LRRN2: variants seen among roughly 807,000 people sequenced by gnomAD.
LRRN2 encodes the protein leucine-rich repeat neuronal protein 2.
In LRRN2, 10 loss-of-function variants were observed where a neutral mutation model predicts 35.7. The ratio of observed to expected loss-of-function variants is 0.28; its 90% CI spans 0.17 to 0.47. The LOEUF (loss-of-function observed/expected upper bound fraction) is 0.47. LRRN2 is among the 20% of genes least tolerant of loss of function. The probability of loss-of-function intolerance (pLI) is 0.99; values close to 1 mark genes in which losing one functional copy is unlikely to be tolerated. For missense variants in LRRN2, 731 were observed against 940.3 expected, an observed-to-expected ratio of 0.78 and a Z score of 2.91; for synonymous variants, 391 against 409.6, an observed-to-expected ratio of 0.95 and a Z score of 0.55.
chr1:204,684,750 C>T (rs1371245340), intron 1 of LRRN2, among the ~76,000 whole-genome samples: 1 of 152,118 alleles, frequency 6.6e-6, no homozygotes, highest in Non-Finnish European at 1.5e-5. Flanking sequence ...TGCGGTCGGA[C>T]CCCAGCCAGC....
chr1:204,619,232 C>T lies in LRRN2; in HGVS notation c.761G>A (p.Arg254Lys). 1 of 1,614,104 alleles carries T rather than the reference C, an allele frequency of 6.2e-7. No individual in the cohort carries two copies. The highest frequency in any genetic ancestry group is 8.5e-7 in the Non-Finnish European group (1 of 1,180,036). The change falls in exon 2 of 2, where the codon AGG becomes AAG. Residue 254 changes from arginine to lysine, a missense_variant. Physicochemically the swap from Arg to Lys is conservative, Grantham distance 26. Transcript: ENST00000367177. ...CCCGGGCACCTGTTCCAGTGCCCGC[C>T]TGGGCACCCGGGCCAGCTGGTTGTC... ...FYDNQLARVPRRALEQVPGLK... is the reference protein window; with the variant it reads ...FYDNQLARVPKRALEQVPGLK...
chr1:204,635,404 A>G (rs972314212), intron 1 of LRRN2, among the ~76,000 whole-genome samples: 1 of 152,062 alleles, frequency 6.6e-6, no homozygotes, highest in African/African-American at 2.4e-5. Context: ...GCCCAGTACA[A>G]TTGAGAGGGT....
chr1:204,658,693 C>G (rs1237795269), intron 1 of LRRN2, among the ~76,000 whole-genome samples: 1 of 152,230 alleles, frequency 6.6e-6, no homozygotes, highest in Non-Finnish European at 1.5e-5. Context: ...TAGCAGGAAT[C>G]TGCCCATTTC....
intron 1 of LRRN2, among the ~76,000 whole-genome samples, chr1:204,627,629 C>T (rs1571634253): frequency 6.6e-6 from 1 of 152,336 alleles, no homozygotes; most frequent in Non-Finnish European, 1.5e-5. Flanking sequence ...TTGCTGTCTG[C>T]GTGCACTGCA....
chr1:204,660,577 ACACTCTCT>A lies in LRRN2; in HGVS notation c.-227+24735_-227+24742del, dbSNP rs1456707060. 3.7e-3 allele frequency among the ~76,000 whole-genome samples: 545 copies of A among 147,340 alleles called. 1 individual carries two copies. Among genetic ancestry groups the A allele is most frequent in the African/African-American group, 9.5e-3 (376 of 39,708 alleles). On this transcript the variant is annotated intron_variant, in intron 1 of 1. Transcript: ENST00000367177. The stretch of plus-strand genomic sequence containing the variant: ...GACACACACACACACACACACACAC[ACACTCTCT>A]CTCTCTCTCTCTCTCTCACTTCGTC...
intron 1 of LRRN2, among the ~76,000 whole-genome samples, chr1:204,648,460 C>T (rs1571659743): frequency 6.6e-6 from 1 of 152,156 alleles, no homozygotes; most frequent in Non-Finnish European, 1.5e-5. Context: ...CTGCTTCCCC[C>T]GCAGCACCTC....
intron 1 of LRRN2, among the ~76,000 whole-genome samples, chr1:204,673,058 G>A (rs1334749497): frequency 1.3e-5 from 2 of 151,988 alleles, no homozygotes; most frequent in African/African-American, 4.8e-5. Flanking sequence ...CTAGCCTTCC[G>A]AAGGGCCCTC....
intron 1 of LRRN2, among the ~76,000 whole-genome samples, chr1:204,632,164 T>C (rs545139526): frequency 3.6e-4 from 54 of 151,760 alleles, no homozygotes; most frequent in African/African-American, 1.3e-3. Context: ...AGCCCAGGAG[T>C]TCAAGCCTGC....
intron 1 of LRRN2, among the ~76,000 whole-genome samples, chr1:204,631,797 A>C (rs1323131320): frequency 6.6e-6 from 1 of 152,100 alleles, no homozygotes; most frequent in Non-Finnish European, 1.5e-5. Context: ...ATATGAAGTG[A>C]GTTCCAAGCA....
At chr1:204,675,151 C>T (rs910029743) in intron 1 of LRRN2, among the ~76,000 whole-genome samples, 3 of 152,110 alleles carry the variant, frequency 2.0e-5, no homozygotes, top group Non-Finnish European at 2.9e-5. Context: ...ATTTCAGACA[C>T]GCTGTATTTC....
chr1:204,656,780 T>C (rs1406015383), intron 1 of LRRN2, among the ~76,000 whole-genome samples: 1 of 152,232 alleles, frequency 6.6e-6, no homozygotes, highest in East Asian at 1.9e-4. Context: ...TCCTGGCTTG[T>C]GGAATCTTCA....
intron 1 of LRRN2, among the ~76,000 whole-genome samples, chr1:204,675,491 C>T (rs1198169362): frequency 2.6e-5 from 4 of 152,190 alleles, no homozygotes; most frequent in Admixed American, 2.6e-4. Flanking sequence ...AGAGGCTGCC[C>T]ACAGGCCCTG....
chr1:204,662,601 T>G (rs1238186096), intron 1 of LRRN2, among the ~76,000 whole-genome samples: 2 of 152,242 alleles, frequency 1.3e-5, no homozygotes, highest in East Asian at 3.8e-4. Flanking sequence ...AAATGCTTTC[T>G]CACAAATGAT....
intron 1 of LRRN2, among the ~76,000 whole-genome samples, chr1:204,642,858 G>A (rs533844798): frequency 1.6e-4 from 25 of 152,278 alleles, no homozygotes; most frequent in African/African-American, 5.3e-4. Context: ...TTGCAGCAAC[G>A]GGCTCTTCTA....
At chr1:204,650,221 C>A (rs997619173) in intron 1 of LRRN2, among the ~76,000 whole-genome samples, 13 of 152,216 alleles carry the variant, frequency 8.5e-5, no homozygotes, top group Non-Finnish European at 1.8e-4. Flanking sequence ...AATCACTTAG[C>A]CCTCATTAGT....
chr1:204,621,512 G>GA (rs902298196), intron 1 of LRRN2: 5 of 167,164 alleles, frequency 3.0e-5, no homozygotes, highest in Admixed American at 6.5e-5. Flanking sequence ...CACACCGTGG[G>GA]AAAACGTCTC....
At chr1:204,680,891 GCCTT>G (rs1294790420) in intron 1 of LRRN2, among the ~76,000 whole-genome samples, 2 of 151,734 alleles carry the variant, frequency 1.3e-5, no homozygotes, top group Non-Finnish European at 2.9e-5. Flanking sequence ...TCTTTTTCAA[GCCTT>G]GGTTCAAATA....
At chr1:204,625,073 G>A (rs1019816690) in intron 1 of LRRN2, among the ~76,000 whole-genome samples, 6 of 152,334 alleles carry the variant, frequency 3.9e-5, no homozygotes, top group South Asian at 2.1e-4. Context: ...AGAGCTGGAG[G>A]AGACCTCAGC....
At chr1:204,633,449 T>C (rs767311481) in intron 1 of LRRN2, among the ~76,000 whole-genome samples, 1 of 152,192 alleles carries the variant, frequency 6.6e-6, no homozygotes, top group East Asian at 1.9e-4. Flanking sequence ...GGCCAGAAGA[T>C]ACAGTATGCT....
Sources: allele counts gnomAD v4.1 joint callset (sites outside exome capture counted in the v4.1 genomes callset), GRCh38; gene constraint gnomAD v4.1.1; transcripts MANE v1.5; gene names NCBI Gene and HGNC (gene_info 2026-07-23, HGNC 2026-07-21).